TIMD4: variants seen among roughly 807,000 people sequenced by gnomAD.
TIMD4 encodes the protein T-cell immunoglobulin and mucin domain-containing protein 4.
In TIMD4, 31 loss-of-function variants were observed where a neutral mutation model predicts 41.2. That is an observed-to-expected ratio of 0.75 (90% CI 0.57 to 1.01). TIMD4 has a LOEUF of 1.01. Among genes scored for constraint, TIMD4 ranks in the 50% least tolerant of loss-of-function variants. TIMD4 has a pLI of 0.00. For missense variants in TIMD4, 479 were observed against 472.5 expected (o/e 1.01, Z -0.13); for synonymous variants, 204 against 177.1 (o/e 1.15, Z -1.21).
At chr5:156,921,109 T>G (rs1355097580) in intron 7 of TIMD4, among the ~76,000 whole-genome samples, 2 of 147,842 alleles carry the variant, frequency 1.4e-5, no homozygotes, top group Non-Finnish European at 3.0e-5. Flanking sequence ...TTTTGTAGCA[T>G]TTTAAAACTT....
chr5:156,952,238 T>TGA (rs1357058483), intron 2 of TIMD4, among the ~76,000 whole-genome samples: 1 of 150,298 alleles, frequency 6.7e-6, no homozygotes, highest in African/African-American at 2.5e-5. Context: ...TGCAGTGAGC[T>TGA]GAGATAGTGC....
chr5:156,953,674 A>AAAAG (rs1554084030), intron 2 of TIMD4, among the ~76,000 whole-genome samples: 7 of 148,840 alleles, frequency 4.7e-5, no homozygotes, highest in Admixed American at 2.0e-4. Context: ...AAAAAAAAAA[A>AAAAG]AGAGAGAGAG....
Position 156,957,942 on chromosome 5 carries a change from G to T in TIMD4, c.59-3186C>A, listed in dbSNP as rs17054091. Among the ~76,000 whole-genome samples the T allele has an allele frequency of 2.6e-3, 397 of 152,244 alleles. 7 individuals carry two copies. The East Asian group carries it at 0.049, about 19-fold the overall frequency. On this transcript the variant is annotated intron_variant, in intron 1 of 8. Coordinates refer to ENST00000274532, the MANE Select transcript of TIMD4 (RefSeq NM_138379.3). ...GAGAGTCAACATTTTATTTTCCCAA[G>T]TACTTTTGCATAAAAGGAGGCATCC...
At chr5:156,943,807 T>G (rs1311767698) in intron 5 of TIMD4, among the ~76,000 whole-genome samples, 1 of 151,838 alleles carries the variant, frequency 6.6e-6, no homozygotes, top group Non-Finnish European at 1.5e-5. Context: ...ATCCCAGCAC[T>G]TTGGGAGGCC....
intron 5 of TIMD4, among the ~76,000 whole-genome samples, chr5:156,942,322 G>C (rs2113369937): frequency 6.6e-6 from 1 of 152,296 alleles, no homozygotes; most frequent in South Asian, 2.1e-4. Flanking sequence ...GACCAACTCT[G>C]CACGGGGTCA....
chr5:156,922,366 C>T (rs1759260338), intron 6 of TIMD4, 150 bp from the exon 7 acceptor site: 2 of 727,808 alleles, frequency 2.7e-6, no homozygotes, highest in African/African-American at 1.8e-5. Context: ...ACCCAAAACA[C>T]GTGACCCATA....
chr5:156,950,051 T>A (rs573347218), intron 3 of TIMD4, among the ~76,000 whole-genome samples: 1 of 152,272 alleles, frequency 6.6e-6, no homozygotes, highest in South Asian at 2.1e-4. Context: ...CCCCTGACCT[T>A]AAGTGATCCA....
intron 5 of TIMD4, among the ~76,000 whole-genome samples, chr5:156,931,034 C>G (rs1759435744): frequency 6.6e-6 from 1 of 152,052 alleles, no homozygotes; most frequent in Non-Finnish European, 1.5e-5. Context: ...GAGAAGAAGT[C>G]AGAGGATGTG....
chr5:156,940,372 C>T (rs1216458370), intron 5 of TIMD4, among the ~76,000 whole-genome samples: 3 of 152,116 alleles, frequency 2.0e-5, no homozygotes, highest in Non-Finnish European at 4.4e-5. Context: ...TCTGCCCGGC[C>T]GCCACCCCAT....
rs369347920 is a variant in TIMD4, at chr5:156,919,486, C to G, written c.1108G>C (p.Glu370Gln). Residue 370 changes from glutamate (E) to glutamine (Q), a missense_variant, in exon 9 of 9, where the codon GAA becomes CAA. Physicochemically the swap from Glu to Gln is conservative, Grantham distance 29. Transcript: ENST00000274532. ...AGGGTAAAAAGGCCGTCTTCGTCTT[C>G]CCTTCCATGCTGCACGTCATTGAGG... is the stretch of plus-strand genomic sequence containing the variant. ...NVLNDVQHGREDEDGLFTL is the reference protein window; with the variant it reads ...NVLNDVQHGRQDEDGLFTL 37 of 1,613,990 alleles carry G rather than the reference C, an allele frequency of 2.3e-5. No individual in the cohort carries two copies. The highest frequency in any genetic ancestry group is 3.0e-5 in the Non-Finnish European group (35 of 1,179,976).
intron 3 of TIMD4, 53 bp downstream of exon 3, chr5:156,951,459 C>T: frequency 4.4e-6 from 7 of 1,594,956 alleles, no homozygotes; most frequent in Non-Finnish European, 6.0e-6. Flanking sequence ...CACTGGGCTG[C>T]CTCATTCAGT....
chr5:156,949,869 G>A, intron 3 of TIMD4, 138 bp from the exon 4 acceptor site: 1 of 587,658 alleles, frequency 1.7e-6, no homozygotes, highest in South Asian at 1.8e-5. Context: ...CCAGGCTGGA[G>A]TGCAGTGGCA....
At chr5:156,937,552 A>C (rs1759562729) in intron 5 of TIMD4, among the ~76,000 whole-genome samples, 1 of 151,460 alleles carries the variant, frequency 6.6e-6, no homozygotes, top group Admixed American at 6.6e-5. Flanking sequence ...ATCAATGAGG[A>C]CCTATCTCGG....
chr5:156,949,621 G>GGA (rs1759814659), intron 4 of TIMD4, 30 bp downstream of exon 4: 1 of 1,557,756 alleles, frequency 6.4e-7, no homozygotes, highest in South Asian at 1.1e-5. Context: ...AAAGGGTGAG[G>GGA]GAGGACAGAG....
At chr5:156,949,778 T>C in intron 3 of TIMD4, 47 bp from the exon 4 acceptor site, 1 of 1,242,922 alleles carries the variant, frequency 8.0e-7, no homozygotes, top group Non-Finnish European at 1.2e-6. Context: ...AAGTAGTTAT[T>C]GTGTTTGTGG....
intron 6 of TIMD4, among the ~76,000 whole-genome samples, chr5:156,923,057 C>CT (rs951850584): frequency 3.5e-4 from 51 of 145,118 alleles, no homozygotes; most frequent in African/African-American, 1.0e-3. Context: ...AAAGTTTAAA[C>CT]TTTTTTTTTT....
chr5:156,954,055 A>G (rs1203481521), intron 2 of TIMD4, among the ~76,000 whole-genome samples: 1 of 152,184 alleles, frequency 6.6e-6, no homozygotes, highest in Non-Finnish European at 1.5e-5. Context: ...TAGTTCATGC[A>G]GTTTTTTTAT....
chr5:156,952,823 C>T (rs947634128), intron 2 of TIMD4, among the ~76,000 whole-genome samples: 1 of 152,218 alleles, frequency 6.6e-6, no homozygotes, highest in Admixed American at 6.5e-5. Flanking sequence ...AATCCAATAA[C>T]TATCACAGTG....
In TIMD4 at chr5:156,949,787, G is replaced by C. The variant is rs949627005; in HGVS notation, c.680-56C>G. On this transcript the variant is annotated intron_variant, in intron 3 of 8. Transcript: ENST00000274532. ...GCTGAAAAGTAGTTATTGTGTTTGT[G>C]GTGGGTGGTGGGATTTGGGATTATC... 3.1e-5 allele frequency: 33 copies of C among 1,048,876 alleles called. No homozygotes were observed. In the Admixed American group the frequency reaches 5.8e-4, roughly 19 times the overall value. 65.0% of individuals were successfully genotyped at this position (1,048,876 alleles called of 1,614,324 possible). A position where few individuals can be genotyped will look rare whatever the true frequency, so the allele number is the denominator to read the frequency against.
Sources: allele counts gnomAD v4.1 joint callset (sites outside exome capture counted in the v4.1 genomes callset), GRCh38; gene constraint gnomAD v4.1.1; transcripts MANE v1.5; gene names NCBI Gene and HGNC (gene_info 2026-07-23, HGNC 2026-07-21).